The following NAV1 variants were observed in gnomAD, a reference collection of about 807,000 sequenced individuals.
NAV1 encodes neuron navigator 1, also known as pore membrane and/or filament interacting like protein 3.
NAV1 carries 18 observed loss-of-function variants against 175.2 expected under a neutral mutation model. The ratio of observed to expected loss-of-function variants is 0.10; its 90% CI spans 0.07 to 0.15. NAV1 has a LOEUF of 0.15. Among genes scored for constraint, NAV1 ranks in the 10% least tolerant of loss-of-function variants. The pLI, the probability that NAV1 is intolerant of heterozygous loss-of-function variation, is 1.00. For synonymous variants in NAV1, 897 were observed against 978.7 expected, an observed-to-expected ratio of 0.92 and a Z score of 1.56; for missense variants, 1,731 against 2,436.6, an observed-to-expected ratio of 0.71 and a Z score of 6.10.
chr1:201,608,627 C>T (rs1667759870), intron 2 of NAV1, among the ~76,000 whole-genome samples: 1 of 152,244 alleles, frequency 6.6e-6, no homozygotes, highest in African/African-American at 2.4e-5. Context: ...CATAAGCTCA[C>T]CTGTCAGCCT....
chr1:201,769,796 G>C (rs1478049280), intron 3 of NAV1, among the ~76,000 whole-genome samples: 1 of 152,164 alleles, frequency 6.6e-6, no homozygotes, highest in Non-Finnish European at 1.5e-5. Flanking sequence ...GTTAAAACCA[G>C]CCTATTGTAC....
At chr1:201,818,562 G>T (rs1472817126) in intron 29 of NAV1, among the ~76,000 whole-genome samples, 4 of 151,374 alleles carry the variant, frequency 2.6e-5, no homozygotes, top group Non-Finnish European at 5.9e-5. Flanking sequence ...GTAGACATTT[G>T]GCTAGAGCAA....
chr1:201,771,400 G>A lies in NAV1; in HGVS notation c.1227-9021G>A, dbSNP rs192068025. Among the ~76,000 whole-genome samples the A allele has an allele frequency of 2.3e-3, 338 of 149,602 alleles. 3 individuals are homozygous for A. Among genetic ancestry groups the A allele is most frequent in the Non-Finnish European group, 4.1e-3 (278 of 67,616 alleles). Reference sequence around the variant, plus strand: ...GTGGCAGGCACCTGTAATCCTAGCTGAGGCAGGAGAATTGCTTGAACCCGG... The same window carrying A: ...GTGGCAGGCACCTGTAATCCTAGCTAAGGCAGGAGAATTGCTTGAACCCGG... On this transcript the variant is annotated intron_variant, in intron 3 of 29. Transcript: ENST00000367296.
chr1:201,705,366 C>A (rs964773480), intron 1 of NAV1, among the ~76,000 whole-genome samples: 2 of 152,224 alleles, frequency 1.3e-5, no homozygotes, highest in African/African-American at 4.8e-5. Flanking sequence ...GCCTCACACA[C>A]CCATGTGGCC....
chr1:201,691,668 G>A (rs1057275220), intron 1 of NAV1, among the ~76,000 whole-genome samples: 1 of 152,240 alleles, frequency 6.6e-6, no homozygotes, highest in Non-Finnish European at 1.5e-5. Flanking sequence ...CAGAATAGCG[G>A]CTTGTATGAC....
rs146033558 is a variant in NAV1 at position 201,563,691 on chromosome 1, G to A, written c.-144+24349G>A. Among the ~76,000 whole-genome samples the A allele has an allele frequency of 3.3e-3, 505 of 152,224 alleles. 3 individuals carry two copies. The highest frequency in any genetic ancestry group is 0.011 in the African/African-American group (455 of 41,526). On this transcript the variant is annotated intron_variant, in intron 1 of 33. Coordinates refer to the NAV1 transcript ENST00000685211. ...TCCCTATTTCAGTGTGTTATTGTAG[G>A]GGTAGAATGAGGTAACATGTGAAAG...
Position 201,738,533 on chromosome 1 carries a change from G to A in NAV1, c.1226+19778G>A, listed in dbSNP as rs974600733. 2.6e-5 allele frequency among the ~76,000 whole-genome samples: 4 copies of A among 152,266 alleles called. No individual in the cohort carries two copies. In the East Asian group the frequency reaches 7.8e-4, roughly 30 times the overall value. The stretch of plus-strand genomic sequence containing the variant: ...TGCATTGACCTGTGGGCCGAAAATA[G>A]TAGGGGCAGCCTGCATTGCTGGGGG... On this transcript the variant is annotated intron_variant, in intron 3 of 29. Coordinates refer to ENST00000367296, the Ensembl canonical transcript of NAV1.
intron 1 of NAV1, among the ~76,000 whole-genome samples, chr1:201,558,413 T>C (rs946035025): frequency 6.6e-6 from 1 of 152,174 alleles, no homozygotes. Context: ...GAACGAACAC[T>C]GGTTTGGGAC....
At position 201,702,680 on chromosome 1, in the gene NAV1, C is replaced by CTCTCTCTCTT. The variant is rs1558080583; in HGVS notation, c.758-10128_758-10127insTTCTCTCTCT. Among the ~76,000 whole-genome samples, 36 of 21,858 alleles carry CTCTCTCTCTT rather than the reference C, an allele frequency of 1.6e-3. 6 individuals are homozygous for CTCTCTCTCTT. The highest frequency in any genetic ancestry group is 4.0e-3 in the African/African-American group (32 of 8,078). The allele number at this position is 21,858 out of a possible 152,430, so 14.3% of individuals were successfully genotyped here. A position where few individuals can be genotyped will look rare whatever the true frequency, so the allele number is the denominator to read the frequency against. Reference sequence around the variant, plus strand: ...GAATTTTGGTATGTGAATTCTCTCTCTCTCTCTCTCTCTCTCTCTCTCTCT... The same window carrying CTCTCTCTCTT: ...GAATTTTGGTATGTGAATTCTCTCTCTCTCTCTCTTTCTCTCTCTCTCTCTCTCTCTCTCT... On this transcript the variant is annotated intron_variant, in intron 1 of 29. Transcript: ENST00000367296.
chr1:201,674,248 G>A (rs941364473), intron 1 of NAV1: 2 of 152,232 alleles, frequency 1.3e-5, no homozygotes, highest in Non-Finnish European at 1.5e-5. Flanking sequence ...GGTTGCCATG[G>A]AAACTTGTCT....
chr1:201,810,752 T>C lies in NAV1; in HGVS notation c.4791T>C (p.Ser1597=). The C allele has an allele frequency of 6.2e-7, 1 of 1,612,928 alleles. No individual in the cohort carries two copies. The highest frequency in any genetic ancestry group is 8.5e-7 in the Non-Finnish European group (1 of 1,179,064). Residue 1597 remains serine (S), a synonymous_variant, in exon 24 of 30, where the codon TCT becomes TCC. Transcript: ENST00000367296. This position sits in a 1 kb window ranked among gnomAD's most constrained non-coding sequence, Gnocchi z 6.0. ...GCACCTTCAACATGCACCAGCAGTCTTGCAAGGTGGCTGCCCCCCGACACC... is the reference window on the plus strand; with the variant it reads ...GCACCTTCAACATGCACCAGCAGTCCTGCAAGGTGGCTGCCCCCCGACACC...
intron 1 of NAV1, among the ~76,000 whole-genome samples, chr1:201,557,645 G>A (rs1370368472): frequency 6.6e-6 from 1 of 152,198 alleles, no homozygotes; most frequent in Non-Finnish European, 1.5e-5. Context: ...TTTCAGGTGG[G>A]TTAACTGAGG....
At chr1:201,695,478 T>C (rs188306752) in intron 1 of NAV1, among the ~76,000 whole-genome samples, 216 of 151,838 alleles carry the variant, frequency 1.4e-3, no homozygotes, top group African/African-American at 4.9e-3. Flanking sequence ...GAAAAGGGGG[T>C]ATGGGGAAGG....
intron 1 of NAV1, among the ~76,000 whole-genome samples, chr1:201,698,734 G>A (rs12034680): frequency 0.27 from 40,761 of 152,160 alleles, 6,727 homozygotes; most frequent in Admixed American, 0.42. Flanking sequence ...CCACTGGTAG[G>A]TTCTGCGAAA....
intron 1 of NAV1, among the ~76,000 whole-genome samples, chr1:201,568,613 C>A (rs891441575): frequency 6.6e-6 from 1 of 152,164 alleles, no homozygotes; most frequent in Non-Finnish European, 1.5e-5. Context: ...TGTTGTTTTA[C>A]CTCCTTGGGC....
intron 1 of NAV1, among the ~76,000 whole-genome samples, chr1:201,565,932 G>A (rs141085503): frequency 6.6e-6 from 1 of 152,240 alleles, no homozygotes; most frequent in Non-Finnish European, 1.5e-5. Context: ...GCCCTTCAGC[G>A]CCTCCCTCTC....
At chr1:201,584,191 A>G (rs1666959535) in intron 1 of NAV1, among the ~76,000 whole-genome samples, 1 of 152,250 alleles carries the variant, frequency 6.6e-6, no homozygotes, top group Non-Finnish European at 1.5e-5. Context: ...GTCCAAGGTC[A>G]ATCATCCAGT....
Position 201,785,294 on chromosome 1 carries a change from T to C in NAV1, c.2805-16T>C. ...TCTCTCTCTCTCTCTTTTTTTTTTT[T>C]TTTTTATCTCCACAGTAATCAGCGG... On this transcript the variant is annotated splice_polypyrimidine_tract_variant and intron_variant, in intron 7 of 29. Coordinates refer to ENST00000367296, the Ensembl canonical transcript of NAV1. 1 of 1,600,572 alleles carries C rather than the reference T, an allele frequency of 6.2e-7. No homozygotes were observed. Among genetic ancestry groups the C allele is most frequent in the Non-Finnish European group, 8.5e-7 (1 of 1,177,522 alleles).
intron 2 of NAV1, among the ~76,000 whole-genome samples, chr1:201,605,316 T>C (rs1534871): frequency 0.038 from 5,759 of 151,956 alleles, 191 homozygotes; most frequent in African/African-American, 0.086. Context: ...ACCTGCCCCA[T>C]TGTGTTAGAA....
Sources: gnomAD v4.1 joint callset for allele counts (sites outside exome capture counted in the v4.1 genomes callset) on GRCh38, gnomAD v4.1.1 for gene constraint, Gnocchi (gnomAD v3.1) non-coding constraint, MANE v1.5 for transcripts, NCBI Gene and HGNC (gene_info 2026-07-23, HGNC 2026-07-21) for gene names.